The following OXR1 variants were observed in gnomAD, a reference collection of about 807,000 sequenced individuals.
The protein encoded by OXR1 is oxidation resistance 1, also known as oxidation resistance protein 1.
A neutral mutation model predicts 104.6 loss-of-function variants in OXR1; 41 were observed. That is an observed-to-expected ratio of 0.39 (90% CI 0.31 to 0.51). The LOEUF is 0.51. Among genes scored for constraint, OXR1 ranks in the 20% least tolerant of loss-of-function variants. The probability of loss-of-function intolerance (pLI) is 0.77; values close to 1 mark genes in which losing one functional copy is unlikely to be tolerated. For synonymous variants in OXR1, 348 were observed against 348.4 expected, an observed-to-expected ratio of 1.00 and a Z score of 0.01; for missense variants, 955 against 1,031.9, an observed-to-expected ratio of 0.93 and a Z score of 1.02.
chr8:106,581,207 A>C, intron 3 of OXR1: 1 of 1,287,754 alleles, frequency 7.8e-7, no homozygotes, highest in Non-Finnish European at 1.0e-6. Flanking sequence ...TGCTGCAGAA[A>C]GCTGAATTCC....
chr8:106,542,993 T>C (rs888282435), intron 3 of OXR1, among the ~76,000 whole-genome samples: 2 of 152,176 alleles, frequency 1.3e-5, no homozygotes, highest in Non-Finnish European at 2.9e-5. Flanking sequence ...TGTAAGTCCA[T>C]TAGCTTTTGA....
intron 3 of OXR1, among the ~76,000 whole-genome samples, chr8:106,564,009 AG>A (rs2130512180): frequency 6.6e-6 from 1 of 152,360 alleles, no homozygotes; most frequent in South Asian, 2.1e-4. Flanking sequence ...GGAAATTTAT[AG>A]TACTACATGC....
chr8:106,612,641 T>C (rs1316441312), intron 3 of OXR1, among the ~76,000 whole-genome samples: 1 of 152,180 alleles, frequency 6.6e-6, no homozygotes, highest in African/African-American at 2.4e-5. Context: ...CATTTCTATA[T>C]GTTTAGGACT....
chr8:106,374,010 C>T (rs1421102846), intron 2 of OXR1, among the ~76,000 whole-genome samples: 1 of 152,240 alleles, frequency 6.6e-6, no homozygotes, highest in Non-Finnish European at 1.5e-5. Flanking sequence ...ATCCGTATTA[C>T]AGAAGTCACT....
chr8:106,597,883 G>A (rs879834806), intron 3 of OXR1, among the ~76,000 whole-genome samples: 5 of 152,080 alleles, frequency 3.3e-5, no homozygotes, highest in Non-Finnish European at 7.4e-5. Flanking sequence ...CCAATATCTA[G>A]CTACTTCCTT....
At chr8:106,357,610 A>C (rs1816028412) in intron 1 of OXR1, among the ~76,000 whole-genome samples, 1 of 151,896 alleles carries the variant, frequency 6.6e-6, no homozygotes, top group Non-Finnish European at 1.5e-5. Flanking sequence ...TTTTAAAAAT[A>C]TGATGGCCTC....
At chr8:106,358,025 TGG>T (rs1444482742) in intron 1 of OXR1, among the ~76,000 whole-genome samples, 4 of 152,094 alleles carry the variant, frequency 2.6e-5, no homozygotes, top group Admixed American at 2.6e-4. Context: ...AGAGTAAGAG[TGG>T]CCAAGTATCT....
intron 1 of OXR1, among the ~76,000 whole-genome samples, chr8:106,312,755 C>A (rs1813763031): frequency 6.6e-6 from 1 of 152,020 alleles, no homozygotes; most frequent in Non-Finnish European, 1.5e-5. Flanking sequence ...AAATTAAAAC[C>A]CCAACTTGTG....
intron 1 of OXR1, among the ~76,000 whole-genome samples, chr8:106,280,137 T>C (rs1812218322): frequency 6.6e-6 from 1 of 152,178 alleles, no homozygotes; most frequent in African/African-American, 2.4e-5. Context: ...TAGACTGATG[T>C]CCATTCAGGA....
intron 11 of OXR1, among the ~76,000 whole-genome samples, chr8:106,730,143 C>T (rs911410928): frequency 5.3e-5 from 8 of 152,016 alleles, no homozygotes; most frequent in African/African-American, 1.4e-4. Context: ...AGAGAGTTTC[C>T]ATATACTCTC....
chr8:106,461,683 C>T (rs551118974), intron 2 of OXR1, among the ~76,000 whole-genome samples: 1 of 152,154 alleles, frequency 6.6e-6, no homozygotes, highest in Non-Finnish European at 1.5e-5. Flanking sequence ...TGCTGATTCT[C>T]AGTTTCTTTA....
At chr8:106,630,045 C>T (rs192014125) in intron 3 of OXR1, among the ~76,000 whole-genome samples, 1 of 152,278 alleles carries the variant, frequency 6.6e-6, no homozygotes, top group African/African-American at 2.4e-5. Flanking sequence ...CAATTTACCC[C>T]CTTTGTCTCT....
At chr8:106,595,276 G>A (rs1586867670) in intron 3 of OXR1, among the ~76,000 whole-genome samples, 1 of 150,096 alleles carries the variant, frequency 6.7e-6, no homozygotes, top group East Asian at 2.0e-4. Flanking sequence ...AACTGGCCGG[G>A]TGCGCTGGCT....
intron 3 of OXR1, among the ~76,000 whole-genome samples, chr8:106,622,595 T>C (rs1417269179): frequency 6.6e-6 from 1 of 152,138 alleles, no homozygotes; most frequent in African/African-American, 2.4e-5. Flanking sequence ...CTTTGCAATT[T>C]GTGTGCCCTC....
intron 3 of OXR1, chr8:106,658,309 G>A (rs377144916): frequency 1.7e-6 from 2 of 1,143,638 alleles, no homozygotes; most frequent in South Asian, 4.5e-5. Context: ...GGGCCGGGGC[G>A]GGCAACGTGG....
At chr8:106,344,026 G>A (rs1251467767) in intron 1 of OXR1, among the ~76,000 whole-genome samples, 3 of 152,132 alleles carry the variant, frequency 2.0e-5, no homozygotes, top group African/African-American at 4.8e-5. Context: ...TGGTAGTTCA[G>A]AAACTAACTT....
chr8:106,410,523 T>A (rs956558131), intron 2 of OXR1, among the ~76,000 whole-genome samples: 1 of 152,162 alleles, frequency 6.6e-6, no homozygotes, highest in Non-Finnish European at 1.5e-5. Flanking sequence ...CCTGAGCCTT[T>A]AGAAGGCAGT....
At chr8:106,366,573 T>C (rs1434264998) in intron 2 of OXR1, among the ~76,000 whole-genome samples, 2 of 152,048 alleles carry the variant, frequency 1.3e-5, no homozygotes, top group African/African-American at 4.8e-5. Flanking sequence ...GTTATCCTAG[T>C]AAAAAAAATA....
chr8:106,550,717 C>G (rs1815737129), intron 3 of OXR1, among the ~76,000 whole-genome samples: 2 of 152,114 alleles, frequency 1.3e-5, no homozygotes, highest in Admixed American at 1.3e-4. Flanking sequence ...CCCCTTCCAC[C>G]ATGATTCCAT....
Sources: allele counts gnomAD v4.1 joint callset (sites outside exome capture counted in the v4.1 genomes callset), GRCh38; gene constraint gnomAD v4.1.1; transcripts MANE v1.5; gene names NCBI Gene and HGNC (gene_info 2026-07-23, HGNC 2026-07-21).